KIAA1217: variants seen among roughly 807,000 people sequenced by gnomAD.
KIAA1217 encodes the protein sickle tail protein homolog.
Under a neutral mutation model 163.9 loss-of-function variants are expected in KIAA1217, and 88 were observed. That is an observed-to-expected ratio of 0.54 (90% CI 0.45 to 0.64). KIAA1217 has a LOEUF of 0.64. Among genes scored for constraint, KIAA1217 ranks in the 30% least tolerant of loss-of-function variants. The probability of loss-of-function intolerance (pLI) is 0.00; values close to 1 mark genes in which losing one functional copy is unlikely to be tolerated. For synonymous variants in KIAA1217, 903 were observed against 923.1 expected, an observed-to-expected ratio of 0.98 and a Z score of 0.39; for missense variants, 2,372 against 2,475.0, an observed-to-expected ratio of 0.96 and a Z score of 0.88.
chr10:24,224,402 C>T (rs959737528), intron 2 of KIAA1217, among the ~76,000 whole-genome samples: 14 of 151,842 alleles, frequency 9.2e-5, no homozygotes, highest in African/African-American at 3.4e-4. Context: ...TGCAGTGGTG[C>T]AATCTTGGCT....
chr10:23,799,807 A>C (rs1824069005), intron 1 of KIAA1217, among the ~76,000 whole-genome samples: 1 of 152,090 alleles, frequency 6.6e-6, no homozygotes, highest in Non-Finnish European at 1.5e-5. Flanking sequence ...GGAAAACCCC[A>C]AGGACCACCG....
chr10:24,033,776 C>G (rs1373712180), intron 2 of KIAA1217, among the ~76,000 whole-genome samples: 1 of 152,200 alleles, frequency 6.6e-6, no homozygotes, highest in East Asian at 1.9e-4. Context: ...CCAAATCTGT[C>G]CAGCCACCTG....
At chr10:24,183,062 T>C (rs2066255784) in intron 2 of KIAA1217, among the ~76,000 whole-genome samples, 1 of 152,206 alleles carries the variant, frequency 6.6e-6, no homozygotes, top group Non-Finnish European at 1.5e-5. Context: ...GGGACTGAAT[T>C]AGTGCCCACA....
intron 2 of KIAA1217, among the ~76,000 whole-genome samples, chr10:24,376,589 C>T (rs2052522430): frequency 6.6e-6 from 1 of 152,054 alleles, no homozygotes; most frequent in Admixed American, 6.5e-5. Context: ...AAAGTGAGAC[C>T]TCGTCTACTA....
Position 24,472,881 on chromosome 10 carries a change from G to A in KIAA1217, c.847-347G>A, listed in dbSNP as rs142931135. On this transcript the variant is annotated intron_variant, in intron 5 of 20. Coordinates refer to ENST00000376454, the MANE Select transcript of KIAA1217 (RefSeq NM_019590.5). ...TCACCTTTTCCAGCTTCTAGCAGCT[G>A]CCCACATTCCTTGGCTCATGGCCCC... Among the ~76,000 whole-genome samples the A allele has an allele frequency of 8.1e-3, 1,227 of 152,190 alleles. 6 individuals carry two copies. Among genetic ancestry groups the A allele is most frequent in the Non-Finnish European group, 0.011 (742 of 68,010 alleles).
rs573288653 is a variant in KIAA1217, at chr10:23,758,626, TTCTCTC to T, written c.-321+63407_-321+63412del. 3.8e-3 allele frequency among the ~76,000 whole-genome samples: 443 copies of T among 116,936 alleles called. 1 individual carries two copies. The highest frequency in any genetic ancestry group is 0.015 in the African/African-American group (386 of 26,082). The allele number at this position is 116,936 out of a possible 152,430, so 76.7% of individuals were successfully genotyped here. On this transcript the variant is annotated intron_variant, in intron 1 of 18. Coordinates refer to the KIAA1217 transcript ENST00000376462. ...CTTTTCTCTTTCTTTCTTTCTTACT[TTCTCTC>T]TCTCTCTCTCTCTCCCCCTCCCTCC...
chr10:24,452,500 C>T (rs1418506306), intron 5 of KIAA1217, among the ~76,000 whole-genome samples: 7 of 149,742 alleles, frequency 4.7e-5, no homozygotes, highest in African/African-American at 1.5e-4. Flanking sequence ...AGTGAAACCC[C>T]GTCTCTACTT....
intron 1 of KIAA1217, among the ~76,000 whole-genome samples, chr10:23,740,199 A>C (rs2130808293): frequency 6.6e-6 from 1 of 152,310 alleles, no homozygotes; most frequent in East Asian, 1.9e-4. Flanking sequence ...TCTAGATGAC[A>C]GCAAAGGAGG....
At chr10:23,960,223 T>C (rs1055556893) in intron 1 of KIAA1217, among the ~76,000 whole-genome samples, 1 of 145,654 alleles carries the variant, frequency 6.9e-6, no homozygotes, top group Non-Finnish European at 1.5e-5. Flanking sequence ...CCAGAATTCT[T>C]TTATAGCTTC....
chr10:24,293,388 G>A (rs2079300516), intron 2 of KIAA1217, among the ~76,000 whole-genome samples: 1 of 152,100 alleles, frequency 6.6e-6, no homozygotes, highest in South Asian at 2.1e-4. Context: ...CTTTTTTAAT[G>A]GCAATAACCA....
intron 6 of KIAA1217, among the ~76,000 whole-genome samples, chr10:24,477,894 T>C (rs929412710): frequency 1.3e-5 from 2 of 152,206 alleles, no homozygotes; most frequent in Non-Finnish European, 2.9e-5. Flanking sequence ...TTAATCTGTG[T>C]AAGTATTGTT....
At chr10:23,940,460 CAAAAAAAAAAA>C (rs760090400) in intron 1 of KIAA1217, among the ~76,000 whole-genome samples, 1,287 of 46,130 alleles carry the variant, frequency 0.028, 32 homozygotes, top group African/African-American at 0.076. Context: ...GACTCCGTCT[CAAAAAAAAAAA>C]AAAAAAAAAA....
chr10:24,511,791 C>G (rs2069208980), intron 9 of KIAA1217, among the ~76,000 whole-genome samples: 1 of 152,170 alleles, frequency 6.6e-6, no homozygotes. Context: ...AAAAGTGATA[C>G]ATTTCTATGT....
At position 24,232,805 on chromosome 10, in the gene KIAA1217, G is replaced by A. The variant is rs145194650; in HGVS notation, c.354+12896G>A. On this transcript the variant is annotated intron_variant, in intron 2 of 20. Transcript: ENST00000376454. Reference sequence around the variant, plus strand: ...TTTATTTATTAGGGATCTACATTTCGAGGTTGGCATTGAACATTATATAAA... The same window carrying A: ...TTTATTTATTAGGGATCTACATTTCAAGGTTGGCATTGAACATTATATAAA... Among the ~76,000 whole-genome samples, 8 of 151,742 alleles carry A rather than the reference G, an allele frequency of 5.3e-5. No homozygotes were observed. The East Asian group carries it at 9.7e-4, about 18-fold the overall frequency.
intron 1 of KIAA1217, among the ~76,000 whole-genome samples, chr10:23,726,087 A>AT (rs1395171515): frequency 6.6e-6 from 1 of 152,124 alleles, no homozygotes; most frequent in African/African-American, 2.4e-5. Context: ...TCTTCCTACG[A>AT]TTTTAAGGAA....
At chr10:23,879,228 T>C (rs1039105629) in intron 1 of KIAA1217, among the ~76,000 whole-genome samples, 5 of 151,886 alleles carry the variant, frequency 3.3e-5, no homozygotes, top group African/African-American at 1.2e-4. Context: ...TCTCAGACTT[T>C]GGCATTTTTA....
intron 2 of KIAA1217, among the ~76,000 whole-genome samples, chr10:24,262,827 G>A (rs2075855683): frequency 6.6e-6 from 1 of 151,818 alleles, no homozygotes; most frequent in African/African-American, 2.4e-5. Context: ...GCTCATACCT[G>A]TAATGCCAGC....
intron 1 of KIAA1217, among the ~76,000 whole-genome samples, chr10:23,739,474 A>G (rs1030646796): frequency 1.4e-4 from 21 of 152,182 alleles, no homozygotes; most frequent in African/African-American, 4.3e-4. Context: ...TAGTGGGTGC[A>G]TGTCAGTTGT....
chr10:23,954,915 G>C (rs997605409), intron 1 of KIAA1217, among the ~76,000 whole-genome samples: 1 of 152,092 alleles, frequency 6.6e-6, no homozygotes, highest in African/African-American at 2.4e-5. Context: ...TTTGAACCAA[G>C]AAAGAGCTGA....
Sources: allele counts gnomAD v4.1 joint callset (sites outside exome capture counted in the v4.1 genomes callset), GRCh38; gene constraint gnomAD v4.1.1; transcripts MANE v1.5; gene names NCBI Gene and HGNC (gene_info 2026-07-23, HGNC 2026-07-21).